PDE4D: variants seen among roughly 807,000 people sequenced by gnomAD.
The protein encoded by PDE4D is phosphodiesterase 4D.
PDE4D carries 24 observed loss-of-function variants against 87.4 expected under a neutral mutation model. The ratio of observed to expected loss-of-function variants is 0.27; its 90% CI spans 0.20 to 0.39. PDE4D has a LOEUF of 0.39. Ranked by LOEUF, PDE4D falls within the 10% of genes least tolerant of loss-of-function variation. PDE4D has a pLI of 1.00. For synonymous variants in PDE4D, 384 were observed against 383.2 expected (o/e 1.00, Z -0.02); for missense variants, 714 against 1,041.0 (o/e 0.69, Z 4.32).
chr5:59,621,999 C>G (rs1478167415), intron 1 of PDE4D, among the ~76,000 whole-genome samples: 2 of 152,102 alleles, frequency 1.3e-5, no homozygotes, highest in African/African-American at 4.8e-5. Context: ...GTCATCTGAT[C>G]TTTAAAAGAG....
intron 2 of PDE4D, among the ~76,000 whole-genome samples, chr5:60,078,805 G>A (rs1439442450): frequency 6.6e-6 from 1 of 152,132 alleles, no homozygotes; most frequent in Non-Finnish European, 1.5e-5. Flanking sequence ...ATTTGGTTTG[G>A]TTCCATGTCT....
chr5:60,447,091 C>G (rs1745703041), intron 1 of PDE4D, among the ~76,000 whole-genome samples: 2 of 152,084 alleles, frequency 1.3e-5, no homozygotes, highest in Non-Finnish European at 2.9e-5. Context: ...CACTTGCACA[C>G]CATACCGTGG....
chr5:60,231,251 A>T (rs1294888519), intron 1 of PDE4D, among the ~76,000 whole-genome samples: 1 of 151,942 alleles, frequency 6.6e-6, no homozygotes, highest in Admixed American at 6.6e-5. Context: ...AGCTATAGTG[A>T]TTAGTTCAAT....
At chr5:60,291,507 A>T (rs1034446402) in intron 1 of PDE4D, among the ~76,000 whole-genome samples, 5 of 152,014 alleles carry the variant, frequency 3.3e-5, no homozygotes, top group Non-Finnish European at 7.4e-5. Flanking sequence ...AGCAAAAAAA[A>T]ACCTATTACA....
chr5:59,050,521 T>C (rs921977800), intron 5 of PDE4D, among the ~76,000 whole-genome samples: 5 of 152,248 alleles, frequency 3.3e-5, no homozygotes, highest in African/African-American at 4.8e-5. Flanking sequence ...TATATTTGGC[T>C]TATCCAGTTG....
rs377161338 is a variant in PDE4D, at chr5:59,118,302, G to A, written c.808+62293C>T. 1.2e-4 allele frequency among the ~76,000 whole-genome samples: 19 copies of A among 152,264 alleles called. No homozygotes were observed. In the South Asian group the frequency reaches 2.9e-3, roughly 23 times the overall value. On this transcript the variant is annotated intron_variant, in intron 5 of 14. Transcript: ENST00000340635. ...CCTCCTGCCACTGAGTGACCCTGTG[G>A]CTTTAACAGGCCTTTCAACACGTTG...
intron 1 of PDE4D, among the ~76,000 whole-genome samples, chr5:59,248,035 C>T (rs1759193673): frequency 2.8e-5 from 2 of 72,570 alleles, no homozygotes; most frequent in Non-Finnish European, 2.4e-5. Flanking sequence ...GATACCGTAT[C>T]TATTAGTAAA....
intron 1 of PDE4D, among the ~76,000 whole-genome samples, chr5:59,316,142 T>C (rs1168077158): frequency 6.6e-6 from 1 of 152,160 alleles, no homozygotes; most frequent in Non-Finnish European, 1.5e-5. Flanking sequence ...TTAGACTCTT[T>C]ATTTCACTTA....
At chr5:59,179,365 G>C (rs1317799157) in intron 5 of PDE4D, among the ~76,000 whole-genome samples, 1 of 152,166 alleles carries the variant, frequency 6.6e-6, no homozygotes, top group Non-Finnish European at 1.5e-5. Context: ...GCCTCCCAAA[G>C]TGCTGAGATT....
chr5:60,294,211 T>C (rs920718862), intron 1 of PDE4D, among the ~76,000 whole-genome samples: 1 of 152,216 alleles, frequency 6.6e-6, no homozygotes, highest in African/African-American at 2.4e-5. Flanking sequence ...CTGTGTTCAT[T>C]GGCCATTTGT....
chr5:59,201,452 A>G (rs1747359113), intron 2 of PDE4D, among the ~76,000 whole-genome samples: 1 of 152,142 alleles, frequency 6.6e-6, no homozygotes, highest in South Asian at 2.1e-4. Flanking sequence ...AATAATGTTC[A>G]CTCTGACAAA....
At chr5:59,008,903 T>C (rs1752210131) in intron 6 of PDE4D, among the ~76,000 whole-genome samples, 1 of 152,078 alleles carries the variant, frequency 6.6e-6, no homozygotes. Context: ...AGTGAAAAGA[T>C]GGTCAAAAGA....
intron 1 of PDE4D, among the ~76,000 whole-genome samples, chr5:60,200,376 G>A (rs1156326986): frequency 6.6e-6 from 1 of 151,480 alleles, no homozygotes; most frequent in African/African-American, 2.4e-5. Flanking sequence ...TTGAAGAGGA[G>A]AAAAACAGTT....
chr5:59,215,765 C>T lies in PDE4D; in HGVS notation c.647+12G>A, dbSNP rs1309591427. 7 of 1,611,078 alleles carry T rather than the reference C, an allele frequency of 4.3e-6. No individual in the cohort carries two copies. The highest frequency in any genetic ancestry group is 1.7e-5 in the Admixed American group (1 of 59,956). ...CTCGGTTTTCTCTCTCTTTGCCTGC[C>T]CTTGTACTTACATATCACTGGCAAT... On this transcript the variant is annotated intron_variant, in intron 2 of 14. Coordinates refer to ENST00000340635, the MANE Select transcript of PDE4D (RefSeq NM_001104631.2).
intron 3 of PDE4D, 71 bp downstream of exon 3, chr5:59,193,429 A>G: frequency 7.6e-7 from 1 of 1,314,502 alleles, no homozygotes; most frequent in Non-Finnish European, 1.1e-6. Flanking sequence ...TAAATTAATA[A>G]CCCGAACTAA....
chr5:58,971,736 C>G lies in PDE4D; in HGVS notation c.*2928G>C, dbSNP rs796987175. On this transcript the variant is annotated 3_prime_UTR_variant, in exon 15 of 15. Coordinates refer to ENST00000340635, the MANE Select transcript of PDE4D (RefSeq NM_001104631.2). Reference sequence around the variant, plus strand: ...CTGAAATGCACTGGTTTTACACAAACTTGGACATTTTTTTCCCCATACAGT... The same window carrying G: ...CTGAAATGCACTGGTTTTACACAAAGTTGGACATTTTTTTCCCCATACAGT... 3 of 152,652 alleles carry G rather than the reference C, an allele frequency of 2.0e-5. No homozygotes were observed. Among genetic ancestry groups the G allele is most frequent in the African/African-American group, 7.2e-5 (3 of 41,544 alleles). The allele number at this position is 152,652 out of a possible 1,614,324, so 9.5% of individuals were successfully genotyped here.
intron 2 of PDE4D, among the ~76,000 whole-genome samples, chr5:60,055,217 A>C (rs553193946): frequency 6.6e-6 from 1 of 152,210 alleles, no homozygotes; most frequent in African/African-American, 2.4e-5. Flanking sequence ...AATATATATT[A>C]AATTTAATTA....
chr5:59,858,711 TAATA>T (rs1213534031), intron 1 of PDE4D, among the ~76,000 whole-genome samples: 1 of 152,124 alleles, frequency 6.6e-6, no homozygotes, highest in Non-Finnish European at 1.5e-5. Context: ...TTGTTAAAAA[TAATA>T]AATAATTTCT....
chr5:60,092,895 C>A (rs961770394), intron 2 of PDE4D, among the ~76,000 whole-genome samples: 5 of 152,180 alleles, frequency 3.3e-5, no homozygotes, highest in East Asian at 3.9e-4. Flanking sequence ...ATAGGGGAAG[C>A]ATGACTGGAC....
Sources: allele counts gnomAD v4.1 joint callset (sites outside exome capture counted in the v4.1 genomes callset), GRCh38; gene constraint gnomAD v4.1.1; transcripts MANE v1.5; gene names NCBI Gene and HGNC (gene_info 2026-07-23, HGNC 2026-07-21).